The following ATRNL1 variants were observed in gnomAD, a reference collection of about 807,000 sequenced individuals.
ATRNL1 encodes attractin like 1, also known as attractin-like protein 1.
ATRNL1 carries 95 observed loss-of-function variants against 182.7 expected under a neutral mutation model. That is an observed-to-expected ratio of 0.52 (90% confidence interval 0.44 to 0.62). The LOEUF is 0.62. ATRNL1 is among the 20% of genes least tolerant of loss of function. ATRNL1 has a pLI of 0.00. For synonymous variants in ATRNL1, 576 were observed against 568.3 expected, an observed-to-expected ratio of 1.01 and a Z score of -0.19; for missense variants, 1,471 against 1,679.5, an observed-to-expected ratio of 0.88 and a Z score of 2.17.
intron 26 of ATRNL1, among the ~76,000 whole-genome samples, chr10:115,637,869 T>C (rs56032448): frequency 0.011 from 1,674 of 152,010 alleles, 30 homozygotes; most frequent in African/African-American, 0.038. Context: ...GTGATCTGCC[T>C]GCCTTGGCCT....
intron 19 of ATRNL1, among the ~76,000 whole-genome samples, chr10:115,341,080 G>T (rs1592485882): frequency 6.6e-6 from 1 of 151,116 alleles, no homozygotes; most frequent in East Asian, 1.9e-4. Flanking sequence ...GTTTTGGTTT[G>T]CTCTTCCTTT....
intron 5 of ATRNL1, among the ~76,000 whole-genome samples, chr10:115,130,751 C>G (rs1845194893): frequency 6.6e-6 from 1 of 151,950 alleles, no homozygotes; most frequent in African/African-American, 2.4e-5. Flanking sequence ...AAATAACTGT[C>G]TTTTCTATAG....
intron 9 of ATRNL1, among the ~76,000 whole-genome samples, chr10:115,223,235 C>A (rs537011640): frequency 6.6e-6 from 1 of 152,090 alleles, no homozygotes; most frequent in Non-Finnish European, 1.5e-5. Flanking sequence ...GAGCTGAGAT[C>A]GCATCGCTGG....
At chr10:115,119,149 G>A (rs1221140104) in intron 1 of ATRNL1, among the ~76,000 whole-genome samples, 1 of 152,090 alleles carries the variant, frequency 6.6e-6, no homozygotes, top group African/African-American at 2.4e-5. Context: ...TTCCAAGCAT[G>A]AATTAGCCAC....
At chr10:115,329,920 C>T (rs1855122825) in intron 18 of ATRNL1, among the ~76,000 whole-genome samples, 1 of 152,090 alleles carries the variant, frequency 6.6e-6, no homozygotes, top group Admixed American at 6.6e-5. Context: ...CATATTGCTA[C>T]TTGTTTTCTA....
At chr10:115,593,556 A>G (rs1190973070) in intron 26 of ATRNL1, among the ~76,000 whole-genome samples, 2 of 152,174 alleles carry the variant, frequency 1.3e-5, no homozygotes, top group African/African-American at 4.8e-5. Context: ...GAAGAATGAA[A>G]CTGGACTCTT....
At chr10:115,371,648 C>T (rs1410174362) in intron 19 of ATRNL1, among the ~76,000 whole-genome samples, 1 of 152,158 alleles carries the variant, frequency 6.6e-6, no homozygotes, top group African/African-American at 2.4e-5. Flanking sequence ...TAGGAAGTAA[C>T]TAACTTACTT....
intron 20 of ATRNL1, among the ~76,000 whole-genome samples, chr10:115,396,992 A>G (rs1393954271): frequency 6.6e-6 from 1 of 151,840 alleles, no homozygotes; most frequent in African/African-American, 2.4e-5. Flanking sequence ...CTAATTTGTA[A>G]AGAGTATTTT....
At chr10:115,739,657 AT>A (rs1179019688) in intron 27 of ATRNL1, among the ~76,000 whole-genome samples, 1 of 152,220 alleles carries the variant, frequency 6.6e-6, no homozygotes, top group East Asian at 1.9e-4. Context: ...CAAAAGTAGT[AT>A]TAACATCCTA....
intron 28 of ATRNL1, among the ~76,000 whole-genome samples, chr10:115,928,846 G>A (rs936613245): frequency 6.6e-6 from 1 of 151,932 alleles, no homozygotes; most frequent in African/African-American, 2.4e-5. Context: ...GGTGTGAAAA[G>A]CACCTTTATT....
intron 9 of ATRNL1, among the ~76,000 whole-genome samples, chr10:115,226,373 A>G (rs556183403): frequency 2.0e-5 from 3 of 152,176 alleles, no homozygotes; most frequent in Non-Finnish European, 2.9e-5. Flanking sequence ...GAATTTGAGT[A>G]GTTTTATTAG....
intron 27 of ATRNL1, among the ~76,000 whole-genome samples, chr10:115,806,194 T>C (rs538742189): frequency 4.6e-5 from 7 of 152,294 alleles, no homozygotes; most frequent in African/African-American, 1.7e-4. Context: ...CGGTCAGATA[T>C]TGAGTTGCTG....
In ATRNL1 at chr10:115,711,617, C is replaced by G. The variant is rs573487204; in HGVS notation, c.3796-15631C>G. On this transcript the variant is annotated intron_variant, in intron 26 of 28. Coordinates refer to ENST00000355044, the MANE Select transcript of ATRNL1 (RefSeq NM_207303.4). ...AGTTTATTTGGGCAGGAGGCGAATT[C>G]TAATGTCAGCTGCTTTGGGCATTAT... Among the ~76,000 whole-genome samples, 3 of 152,218 alleles carry G rather than the reference C, an allele frequency of 2.0e-5. No individual in the cohort carries two copies. The South Asian group carries it at 6.2e-4, about 32-fold the overall frequency.
intron 10 of ATRNL1, among the ~76,000 whole-genome samples, chr10:115,250,133 A>C (rs938729492): frequency 6.6e-6 from 1 of 152,162 alleles, no homozygotes; most frequent in Admixed American, 6.5e-5. Flanking sequence ...ACATACTTAC[A>C]CAGATTGCTT....
chr10:115,432,862 A>G (rs1391080523), intron 21 of ATRNL1, among the ~76,000 whole-genome samples: 2 of 152,040 alleles, frequency 1.3e-5, no homozygotes, highest in Non-Finnish European at 2.9e-5. Flanking sequence ...TAACAATTTT[A>G]ACAAAGAAAA....
chr10:115,685,230 TG>T (rs1946178162), intron 26 of ATRNL1, among the ~76,000 whole-genome samples: 1 of 151,784 alleles, frequency 6.6e-6, no homozygotes, highest in African/African-American at 2.4e-5. Flanking sequence ...AATACCCTTT[TG>T]TAGCAAAATC....
intron 19 of ATRNL1, among the ~76,000 whole-genome samples, chr10:115,355,212 A>G (rs1403000425): frequency 1.3e-5 from 2 of 152,166 alleles, no homozygotes; most frequent in African/African-American, 4.8e-5. Flanking sequence ...ATTTGATGAT[A>G]TATGAGCGTT....
At chr10:115,868,419 C>T (rs551067104) in intron 28 of ATRNL1, among the ~76,000 whole-genome samples, 60 of 152,278 alleles carry the variant, frequency 3.9e-4, no homozygotes, top group Non-Finnish European at 6.8e-4. Context: ...TTCTCCAACC[C>T]ACTCATTACC....
intron 26 of ATRNL1, among the ~76,000 whole-genome samples, chr10:115,713,840 G>C (rs2804157): frequency 0.61 from 92,982 of 151,838 alleles, 29,165 homozygotes; most frequent in East Asian, 0.96. Flanking sequence ...ACACAGATAC[G>C]TTTCTCAGTT....
Sources: allele counts gnomAD v4.1 joint callset (sites outside exome capture counted in the v4.1 genomes callset), GRCh38; gene constraint gnomAD v4.1.1; transcripts MANE v1.5; gene names NCBI Gene and HGNC (gene_info 2026-07-23, HGNC 2026-07-21).